The following RNASEH2C variants were observed in gnomAD, a reference collection of about 807,000 sequenced individuals.
RNASEH2C encodes the protein RNase H1 small subunit.
Under a neutral mutation model 16.3 loss-of-function variants are expected in RNASEH2C, and 20 were observed. The ratio of observed to expected loss-of-function variants is 1.23; its 90% confidence interval spans 0.86 to 1.79. The LOEUF is 1.79. Ranked by LOEUF, RNASEH2C falls within the 40% of genes most tolerant of loss-of-function variation. RNASEH2C has a pLI of 0.00. For missense variants in RNASEH2C, 296 were observed against 235.9 expected (o/e 1.25, Z -1.67); for synonymous variants, 106 against 98.9 (o/e 1.07, Z -0.43).
rs776593619 is a variant in RNASEH2C at position 65,720,712 on chromosome 11, A to C, written c.47T>G (p.Leu16Trp). 5.6e-6 allele frequency: 9 copies of C among 1,597,442 alleles called. No individual in the cohort carries two copies. ...GGCGTCGCGCAATGTGGCGGAGCGC[A>C]AGTGGACGCGGTGCCTCTCGATGGC... ...EAAIERHRVHLRSATLRDAVP... is the reference protein window; with the variant it reads ...EAAIERHRVHWRSATLRDAVP... The change falls in exon 1 of 4, where the codon TTG becomes TGG. Residue 16 changes from leucine to tryptophan, a missense_variant. Coordinates refer to ENST00000308418, the MANE Select transcript of RNASEH2C (RefSeq NM_032193.4).
Position 65,719,577 on chromosome 11 carries a change from C to T in RNASEH2C, c.*206G>A. The stretch of plus-strand genomic sequence containing the variant: ...TCTGGCTTCTCTTACCCCTATTGCC[C>T]CCGGCAATAAATTGTTTCTATATGC... On this transcript the variant is annotated 3_prime_UTR_variant, in exon 4 of 4. Coordinates refer to ENST00000308418, the MANE Select transcript of RNASEH2C (RefSeq NM_032193.4). 1 of 656,726 alleles carries T rather than the reference C, an allele frequency of 1.5e-6. No individual in the cohort carries two copies. The highest frequency in any genetic ancestry group is 2.7e-6 in the Non-Finnish European group (1 of 370,922). 40.7% of individuals were successfully genotyped at this position (656,726 alleles called of 1,614,324 possible). A position where few individuals can be genotyped will look rare whatever the true frequency, so the allele number is the denominator to read the frequency against.
Position 65,717,745 on chromosome 11 carries a change from C to G in RNASEH2C, c.*2038G>C, listed in dbSNP as rs1178974097. The G allele has an allele frequency of 6.5e-6, 1 of 152,708 alleles. No homozygotes were observed. The highest frequency in any genetic ancestry group is 1.5e-5 in the Non-Finnish European group (1 of 68,484). 9.5% of individuals were successfully genotyped at this position (152,708 alleles called of 1,614,324 possible). ...GGTCACATCCTCAGAACTTCTCAGCCTGGTAGCACAAGTGGATGCTTGAAG... is the reference window on the plus strand; with the variant it reads ...GGTCACATCCTCAGAACTTCTCAGCGTGGTAGCACAAGTGGATGCTTGAAG... On this transcript the variant is annotated 3_prime_UTR_variant, in exon 4 of 4. Transcript: ENST00000308418.
rs907041553 is a variant in RNASEH2C, at chr11:65,720,722, G to A, written c.37C>T (p.Arg13Cys). Residue 13 changes from arginine (R) to cysteine (C), a missense_variant, in exon 1 of 4, where the codon CGC becomes TGC. Transcript: ENST00000308418. ...AATGTGGCGGAGCGCAAGTGGACGC[G>A]GTGCCTCTCGATGGCCGCTTCGTCG... ...SGDEAAIERHRVHLRSATLRD... is the reference protein window; with the variant it reads ...SGDEAAIERHCVHLRSATLRD... 1.3e-6 allele frequency: 2 copies of A among 1,597,450 alleles called. No homozygotes were observed. The highest frequency in any genetic ancestry group is 1.1e-5 in the South Asian group (1 of 89,310).
Position 65,720,635 on chromosome 11 carries a change from CG to C in RNASEH2C, c.123del (p.Ala42ProfsTer42). 6.4e-7 allele frequency: 1 copy of C among 1,561,014 alleles called. No individual in the cohort carries two copies. The highest frequency in any genetic ancestry group is 8.6e-7 in the Non-Finnish European group (1 of 1,157,488). The part of the protein sequence containing the change: ...LLPCEVAVDG[P>X]APVGRFFTPA... ...GGCGTGAAGAAGCGCCCCACCGGGGCGGGCCCGTCCACCGCAACCTCGCAGG... is the reference window on the plus strand; with the variant it reads ...GGCGTGAAGAAGCGCCCCACCGGGGCGGCCCGTCCACCGCAACCTCGCAGG... On this transcript the variant is annotated frameshift_variant, in exon 1 of 4. Transcript: ENST00000308418. LOFTEE classifies it high-confidence loss of function.
At chr11:65,719,939 T>C in intron 3 of RNASEH2C, 106 bp downstream of exon 3, 1 of 1,599,538 alleles carries the variant, frequency 6.3e-7, no homozygotes, top group East Asian at 2.2e-5. Flanking sequence ...GTCAGGGAGC[T>C]ACGCTTCCCA....
In RNASEH2C at chr11:65,719,553, C is replaced by G. The variant is rs1025637201; in HGVS notation, c.*230G>C. The G allele has an allele frequency of 9.6e-6, 6 of 622,502 alleles. No homozygotes were observed. Among genetic ancestry groups the G allele is most frequent in the Non-Finnish European group, 1.7e-5 (6 of 354,706 alleles). 38.6% of individuals were successfully genotyped at this position (622,502 alleles called of 1,614,324 possible). A position where few individuals can be genotyped will look rare whatever the true frequency, so the allele number is the denominator to read the frequency against. ...GGGTGGGTGCTGGCTGCAAAAATTTCTGGCTTCTCTTACCCCTATTGCCCC... is the reference window on the plus strand; with the variant it reads ...GGGTGGGTGCTGGCTGCAAAAATTTGTGGCTTCTCTTACCCCTATTGCCCC... On this transcript the variant is annotated 3_prime_UTR_variant, in exon 4 of 4. Coordinates refer to ENST00000308418, the MANE Select transcript of RNASEH2C (RefSeq NM_032193.4).
chr11:65,719,980 G>C (rs1161102473), intron 3 of RNASEH2C, 65 bp downstream of exon 3: 29 of 1,609,320 alleles, frequency 1.8e-5, no homozygotes, highest in Non-Finnish European at 2.3e-5. Context: ...TCCAGGCTCC[G>C]TCTGCGCAAT....
Position 65,718,822 on chromosome 11 carries a change from C to T in RNASEH2C, c.*961G>A. The T allele has an allele frequency of 6.2e-7, 1 of 1,613,512 alleles. No individual in the cohort carries two copies. Among genetic ancestry groups the T allele is most frequent in the Non-Finnish European group, 8.5e-7 (1 of 1,179,654 alleles). On this transcript the variant is annotated 3_prime_UTR_variant, in exon 4 of 4. Coordinates refer to ENST00000308418, the MANE Select transcript of RNASEH2C (RefSeq NM_032193.4). ...TTCCTGGGCTTTCTCTCTCAGGGCT[C>T]CTGGGGACAGATAAAGGTCCTCAGG...
chr11:65,719,104 C>T lies in RNASEH2C; in HGVS notation c.*679G>A, dbSNP rs555699888. ...CGTGGATGGCCATGAGCGGGCCATGCTCAAGCGGCTCCTGCGGATCGACTC... is the reference window on the plus strand; with the variant it reads ...CGTGGATGGCCATGAGCGGGCCATGTTCAAGCGGCTCCTGCGGATCGACTC... On this transcript the variant is annotated 3_prime_UTR_variant, in exon 4 of 4. Coordinates refer to ENST00000308418, the MANE Select transcript of RNASEH2C (RefSeq NM_032193.4). The T allele has an allele frequency of 2.5e-6, 4 of 1,614,218 alleles. No homozygotes were observed. Among genetic ancestry groups the T allele is most frequent in the Non-Finnish European group, 3.4e-6 (4 of 1,180,038 alleles).
In RNASEH2C at chr11:65,718,274, G is replaced by A; in HGVS notation, c.*1509C>T. ...CCCGGGATGGCAAAGGAAAATTGGAGGCCCCTTCTTCCCATGAGCCATTTT... is the reference window on the plus strand; with the variant it reads ...CCCGGGATGGCAAAGGAAAATTGGAAGCCCCTTCTTCCCATGAGCCATTTT... On this transcript the variant is annotated 3_prime_UTR_variant, in exon 4 of 4. Transcript: ENST00000308418. The A allele has an allele frequency of 3.8e-6, 1 of 262,548 alleles. No homozygotes were observed. The highest frequency in any genetic ancestry group is 7.3e-6 in the Non-Finnish European group (1 of 136,484). The allele number at this position is 262,548 out of a possible 1,614,324, so 16.3% of individuals were successfully genotyped here. A position where few individuals can be genotyped will look rare whatever the true frequency, so the allele number is the denominator to read the frequency against.
At chr11:65,720,506 A>T (rs774936903) in intron 1 of RNASEH2C, 81 bp downstream of exon 1, 28 of 1,572,582 alleles carry the variant, frequency 1.8e-5, no homozygotes, top group Non-Finnish European at 2.2e-5. Context: ...ACGGACCACG[A>T]TCCCCAGGAG....
rs570973055 is a variant in RNASEH2C, at chr11:65,718,127, A to G, written c.*1656T>C. 1 of 155,934 alleles carries G rather than the reference A, an allele frequency of 6.4e-6. No individual in the cohort carries two copies. The highest frequency in any genetic ancestry group is 1.4e-5 in the Non-Finnish European group (1 of 70,408). The allele number at this position is 155,934 out of a possible 1,614,324, so 9.7% of individuals were successfully genotyped here. On this transcript the variant is annotated 3_prime_UTR_variant, in exon 4 of 4. Coordinates refer to ENST00000308418, the MANE Select transcript of RNASEH2C (RefSeq NM_032193.4). ...CACAACCACCCAGTCAGGCCACTCA[A>G]GTCTTACAGCAGGTGACACTCCCAA... is the stretch of plus-strand genomic sequence containing the variant.
In RNASEH2C at chr11:65,718,959, G is replaced by A; in HGVS notation, c.*824C>T. On this transcript the variant is annotated 3_prime_UTR_variant, in exon 4 of 4. Transcript: ENST00000308418. ...AATCTCATCAACTACTACAAGGTAG[G>A]GAGGCAGGCAGGGGAGACAGGTGTG... 1 of 1,614,122 alleles carries A rather than the reference G, an allele frequency of 6.2e-7. No individual in the cohort carries two copies. Among genetic ancestry groups the A allele is most frequent in the Non-Finnish European group, 8.5e-7 (1 of 1,179,982 alleles).
In RNASEH2C at chr11:65,719,017, C is replaced by A; in HGVS notation, c.*766G>T. On this transcript the variant is annotated 3_prime_UTR_variant, in exon 4 of 4. Coordinates refer to ENST00000308418, the MANE Select transcript of RNASEH2C (RefSeq NM_032193.4). ...CAGAGTGCAGTCCTCTGTGGGCTGA[C>A]CACCTGCTGAACCCATCTCCTCTGC... 1.2e-6 allele frequency: 2 copies of A among 1,613,966 alleles called. No homozygotes were observed. The highest frequency in any genetic ancestry group is 2.2e-5 in the East Asian group (1 of 44,878).
chr11:65,717,965 T>C lies in RNASEH2C; in HGVS notation c.*1818A>G, dbSNP rs1857258524. 1 of 153,826 alleles carries C rather than the reference T, an allele frequency of 6.5e-6. No homozygotes were observed. Among genetic ancestry groups the C allele is most frequent in the Admixed American group, 6.4e-5 (1 of 15,536 alleles). 9.5% of individuals were successfully genotyped at this position (153,826 alleles called of 1,614,324 possible). ...GCTGTGCAGGGTCTGAGGATCTCACTGGGGACGGCCTCCCAGCGGCCAGCT... is the reference window on the plus strand; with the variant it reads ...GCTGTGCAGGGTCTGAGGATCTCACCGGGGACGGCCTCCCAGCGGCCAGCT... On this transcript the variant is annotated 3_prime_UTR_variant, in exon 4 of 4. Coordinates refer to ENST00000308418, the MANE Select transcript of RNASEH2C (RefSeq NM_032193.4).
chr11:65,718,295 A>G lies in RNASEH2C; in HGVS notation c.*1488T>C, dbSNP rs914117894. 3.2e-6 allele frequency: 1 copy of G among 307,982 alleles called. No individual in the cohort carries two copies. Among genetic ancestry groups the G allele is most frequent in the African/African-American group, 2.1e-5 (1 of 46,976 alleles). The allele number at this position is 307,982 out of a possible 1,614,324, so 19.1% of individuals were successfully genotyped here. On this transcript the variant is annotated 3_prime_UTR_variant, in exon 4 of 4. Transcript: ENST00000308418. The stretch of plus-strand genomic sequence containing the variant: ...TGGAGGCCCCTTCTTCCCATGAGCC[A>G]TTTTCTCTGCATCCCCTGCCCATAA...
chr11:65,719,980 G>A (rs1161102473), intron 3 of RNASEH2C, 65 bp downstream of exon 3: 2 of 1,609,438 alleles, frequency 1.2e-6, no homozygotes, highest in East Asian at 2.2e-5. Context: ...TCCAGGCTCC[G>A]TCTGCGCAAT....
In RNASEH2C at chr11:65,720,464, C is replaced by G. The variant is rs930101164; in HGVS notation, c.173-47G>C. On this transcript the variant is annotated intron_variant, in intron 1 of 3. Transcript: ENST00000308418. ...GCCTCAGGCAGGACCCACGCTGGGT[C>G]GAGCCCGGAGCTGCCCTCCCGCCAC... The G allele has an allele frequency of 2.5e-6, 4 of 1,605,680 alleles. No individual in the cohort carries two copies. The Admixed American group carries it at 6.7e-5, about 27-fold the overall frequency.
At position 65,719,628 on chromosome 11, in the gene RNASEH2C, G is replaced by A. The variant is rs749853881; in HGVS notation, c.*155C>T. On this transcript the variant is annotated 3_prime_UTR_variant, in exon 4 of 4. Coordinates refer to ENST00000308418, the MANE Select transcript of RNASEH2C (RefSeq NM_032193.4). ...CAGAGCCATGCAAAGTTCTTGGTGG[G>A]GAGGGGGAAAGGGCCCATGCTGGCT... 23 of 781,818 alleles carry A rather than the reference G, an allele frequency of 2.9e-5. No individual in the cohort carries two copies. Among genetic ancestry groups the A allele is most frequent in the Non-Finnish European group, 4.7e-5 (21 of 445,098 alleles). The allele number at this position is 781,818 out of a possible 1,614,324, so 48.4% of individuals were successfully genotyped here.
Sources: allele counts gnomAD v4.1 joint callset, GRCh38; gene constraint gnomAD v4.1.1; transcripts MANE v1.5; gene names NCBI Gene and HGNC (gene_info 2026-07-23, HGNC 2026-07-21).